Variants in JAZF1 observed in about 807,000 individuals in gnomAD.
JAZF1 encodes the protein JAZF zinc finger 1, also known as juxtaposed with another zinc finger protein 1.
A neutral mutation model predicts 26.4 loss-of-function variants in JAZF1; 8 were observed. The ratio of observed to expected loss-of-function variants is 0.30; its 90% confidence interval spans 0.18 to 0.55. JAZF1 has a LOEUF of 0.55. Among genes scored for constraint, JAZF1 ranks in the 20% least tolerant of loss-of-function variants. The pLI is 0.94. For synonymous variants in JAZF1, 126 were observed against 122.3 expected, an observed-to-expected ratio of 1.03 and a Z score of -0.20; for missense variants, 199 against 322.0, an observed-to-expected ratio of 0.62 and a Z score of 2.92.
chr7:28,116,910 G>A (rs552169815), intron 1 of JAZF1, among the ~76,000 whole-genome samples: 8 of 151,450 alleles, frequency 5.3e-5, no homozygotes, highest in African/African-American at 1.5e-4. Context: ...TGCAACCTCC[G>A]CCTCCCAGGT....
At chr7:28,100,991 G>A (rs1194716282) in intron 1 of JAZF1, among the ~76,000 whole-genome samples, 2 of 152,116 alleles carry the variant, frequency 1.3e-5, no homozygotes, top group Admixed American at 6.5e-5. Context: ...CTGGTGATAG[G>A]AATTATTTAT....
chr7:28,177,516 C>T (rs1783566032), intron 1 of JAZF1, among the ~76,000 whole-genome samples: 1 of 152,158 alleles, frequency 6.6e-6, no homozygotes, highest in Non-Finnish European at 1.5e-5. Context: ...CATTTTATCG[C>T]TGTTTAAGGG....
intron 1 of JAZF1, among the ~76,000 whole-genome samples, chr7:28,095,104 C>G (rs890741354): frequency 6.6e-6 from 1 of 152,196 alleles, no homozygotes; most frequent in East Asian, 1.9e-4. Flanking sequence ...CAAGGCTCCA[C>G]GCAACCTCTC....
chr7:27,849,943 C>T (rs888170102), intron 3 of JAZF1, among the ~76,000 whole-genome samples: 6 of 152,148 alleles, frequency 3.9e-5, no homozygotes, highest in African/African-American at 7.2e-5. Flanking sequence ...ACCCCTTACC[C>T]GTGGAGATGG....
At chr7:28,136,125 C>T (rs1161007861) in intron 1 of JAZF1, among the ~76,000 whole-genome samples, 6 of 152,200 alleles carry the variant, frequency 3.9e-5, no homozygotes, top group African/African-American at 9.7e-5. Flanking sequence ...CTAGCATGAT[C>T]GCAGCAGGGA....
chr7:28,001,034 C>T (rs529277724), intron 1 of JAZF1, among the ~76,000 whole-genome samples: 15 of 152,032 alleles, frequency 9.9e-5, no homozygotes, highest in South Asian at 4.2e-4. Flanking sequence ...CACAATTGAG[C>T]GAAAAAGATG....
chr7:28,046,735 T>C (rs1783503738), intron 1 of JAZF1, among the ~76,000 whole-genome samples: 1 of 152,340 alleles, frequency 6.6e-6, no homozygotes, highest in Admixed American at 6.5e-5. Context: ...TGATTGTAAC[T>C]GAAGTTGAAA....
At chr7:27,999,981 C>A (rs532042544) in intron 1 of JAZF1, among the ~76,000 whole-genome samples, 78 of 152,218 alleles carry the variant, frequency 5.1e-4, no homozygotes, top group African/African-American at 1.0e-3. Context: ...CAGGGCTAAT[C>A]TGGGCAGGCT....
chr7:27,974,466 C>T (rs779477189), intron 2 of JAZF1, among the ~76,000 whole-genome samples: 5 of 152,112 alleles, frequency 3.3e-5, no homozygotes, highest in Non-Finnish European at 7.4e-5. Flanking sequence ...GAGTACAGTG[C>T]GAAACACTTC....
intron 3 of JAZF1, among the ~76,000 whole-genome samples, chr7:27,862,740 G>A (rs554787410): frequency 6.1e-4 from 93 of 152,272 alleles, no homozygotes; most frequent in African/African-American, 2.1e-3. Flanking sequence ...TGTTGCTGCT[G>A]CCTCACCTCT....
intron 2 of JAZF1, among the ~76,000 whole-genome samples, chr7:27,978,994 A>G (rs949154219): frequency 2.6e-5 from 4 of 152,080 alleles, no homozygotes; most frequent in African/African-American, 4.8e-5. Context: ...TTACTGTTCT[A>G]TGAAACAGAT....
chr7:28,049,201 G>A (rs1388439803), intron 1 of JAZF1, among the ~76,000 whole-genome samples: 3 of 151,440 alleles, frequency 2.0e-5, no homozygotes, highest in Admixed American at 1.3e-4. Context: ...TCCTGCCTCA[G>A]TCTCCAGAGT....
At chr7:28,156,025 T>C (rs1783179666) in intron 1 of JAZF1, among the ~76,000 whole-genome samples, 1 of 152,254 alleles carries the variant, frequency 6.6e-6, no homozygotes, top group Non-Finnish European at 1.5e-5. Context: ...ACATACACCC[T>C]TGATAGATAC....
chr7:28,175,558 A>C (rs1783538018), intron 1 of JAZF1, among the ~76,000 whole-genome samples: 1 of 152,202 alleles, frequency 6.6e-6, no homozygotes, highest in Non-Finnish European at 1.5e-5. Flanking sequence ...AGTACGGTTA[A>C]TTTGCCCCTG....
rs116549118 is a variant in JAZF1, at chr7:28,089,661, T to A, written c.115+90802A>T. Among the ~76,000 whole-genome samples the A allele has an allele frequency of 9.3e-3, 1,420 of 152,278 alleles. 24 individuals carry two copies. Among genetic ancestry groups the A allele is most frequent in the African/African-American group, 0.033 (1,367 of 41,546 alleles). The stretch of plus-strand genomic sequence containing the variant: ...AAGTTTTCATCTTCTGGGAAAACAC[T>A]TAAGTAATCCTGTTCAGAATGTCGT... On this transcript the variant is annotated intron_variant, in intron 1 of 4. Transcript: ENST00000283928.
intron 1 of JAZF1, among the ~76,000 whole-genome samples, chr7:28,024,417 C>T (rs1371152531): frequency 6.6e-6 from 1 of 151,906 alleles, no homozygotes; most frequent in East Asian, 1.9e-4. Flanking sequence ...ATGGCTGGGT[C>T]CAAGGGTGGA....
At position 27,830,862 on chromosome 7, in the gene JAZF1, T is replaced by G. The variant is rs2128329037; in HGVS notation, c.*1938A>C. ...TGAATAAGTAAATAGAAATTGGAATTTATCTTTGAAAGCATTGAAAGAAAT... is the reference window on the plus strand; with the variant it reads ...TGAATAAGTAAATAGAAATTGGAATGTATCTTTGAAAGCATTGAAAGAAAT... On this transcript the variant is annotated 3_prime_UTR_variant, in exon 5 of 5. Coordinates refer to ENST00000283928, the MANE Select transcript of JAZF1 (RefSeq NM_175061.4). 4.7e-6 allele frequency: 1 copy of G among 212,968 alleles called. No homozygotes were observed. Among genetic ancestry groups the G allele is most frequent in the East Asian group, 7.1e-5 (1 of 14,078 alleles). The allele number at this position is 212,968 out of a possible 1,614,324, so 13.2% of individuals were successfully genotyped here.
intron 1 of JAZF1, among the ~76,000 whole-genome samples, chr7:28,178,992 G>A (rs550135162): frequency 6.6e-6 from 1 of 152,338 alleles, no homozygotes; most frequent in African/African-American, 2.4e-5. Flanking sequence ...GCCACTGTGT[G>A]CAGAGACAGC....
intron 3 of JAZF1, chr7:27,843,382 T>C (rs751857739): frequency 1.3e-5 from 2 of 152,256 alleles, no homozygotes; most frequent in Non-Finnish European, 2.9e-5. Flanking sequence ...AGTCTCTTCC[T>C]TGCAGGTTGA....
Sources: allele counts gnomAD v4.1 joint callset (sites outside exome capture counted in the v4.1 genomes callset), GRCh38; gene constraint gnomAD v4.1.1; transcripts MANE v1.5; gene names NCBI Gene and HGNC (gene_info 2026-07-23, HGNC 2026-07-21).